Variants in CACNB2 observed in about 807,000 individuals in gnomAD.
The protein encoded by CACNB2 is calcium voltage-gated channel auxiliary subunit beta 2, also known as voltage-dependent L-type calcium channel subunit beta-2.
A neutral mutation model predicts 73.3 loss-of-function variants in CACNB2; 42 were observed. The ratio of observed to expected loss-of-function variants is 0.57; its 90% CI spans 0.45 to 0.74. CACNB2 has a LOEUF of 0.74. Ranked by LOEUF, CACNB2 falls within the 30% of genes least tolerant of loss-of-function variation. The pLI is 0.00. For synonymous variants in CACNB2, 348 were observed against 310.3 expected (o/e 1.12, Z -1.28); for missense variants, 940 against 853.0 (o/e 1.10, Z -1.27).
intron 2 of CACNB2, among the ~76,000 whole-genome samples, chr10:18,177,850 C>G (rs919901839): frequency 1.3e-5 from 2 of 152,172 alleles, no homozygotes; most frequent in Non-Finnish European, 2.9e-5. Flanking sequence ...AAAAGGAAGG[C>G]AGTTTTTGTG....
At chr10:18,167,739 A>C (rs1453372279) in intron 2 of CACNB2, among the ~76,000 whole-genome samples, 1 of 152,158 alleles carries the variant, frequency 6.6e-6, no homozygotes, top group Non-Finnish European at 1.5e-5. Context: ...TTGGGGGGAG[A>C]AGTAGTTCAG....
chr10:18,466,999 C>A (rs189489655), intron 3 of CACNB2, among the ~76,000 whole-genome samples: 1 of 152,032 alleles, frequency 6.6e-6, no homozygotes, highest in African/African-American at 2.4e-5. Flanking sequence ...ACTAAAAATA[C>A]AAAAATTAGC....
intron 3 of CACNB2, among the ~76,000 whole-genome samples, chr10:18,404,855 A>C (rs961419777): frequency 6.6e-6 from 1 of 152,198 alleles, no homozygotes; most frequent in Non-Finnish European, 1.5e-5. Flanking sequence ...CTCCACTACC[A>C]CTTTGTTAAG....
At chr10:18,214,993 A>T (rs1172049554) in intron 2 of CACNB2, among the ~76,000 whole-genome samples, 1 of 152,140 alleles carries the variant, frequency 6.6e-6, no homozygotes, top group Non-Finnish European at 1.5e-5. Flanking sequence ...ATTTACATGG[A>T]TTTAGTTTTT....
At chr10:18,298,233 G>A (rs140329650) in intron 2 of CACNB2, among the ~76,000 whole-genome samples, 1 of 152,142 alleles carries the variant, frequency 6.6e-6, no homozygotes, top group Non-Finnish European at 1.5e-5. Flanking sequence ...GCTGGGCATG[G>A]TGGTGGGCGC....
chr10:18,447,570 T>C (rs75580483), intron 3 of CACNB2, among the ~76,000 whole-genome samples: 6,670 of 151,994 alleles, frequency 0.044, 188 homozygotes, highest in East Asian at 0.1. Flanking sequence ...AGTCAGGGAG[T>C]GTTCAGCAAC....
chr10:18,188,600 C>T (rs1199210877), intron 2 of CACNB2, among the ~76,000 whole-genome samples: 2 of 152,100 alleles, frequency 1.3e-5, no homozygotes, highest in Non-Finnish European at 1.5e-5. Context: ...CCCCTGTGCC[C>T]GGCCTTCTTT....
intron 2 of CACNB2, among the ~76,000 whole-genome samples, chr10:18,290,122 T>C (rs1391802714): frequency 6.3e-5 from 8 of 127,616 alleles, no homozygotes; most frequent in South Asian, 2.7e-4. Flanking sequence ...CTTTTTTTTT[T>C]TTTTTTTTTT....
chr10:18,502,584 G>A (rs1005810087), intron 5 of CACNB2, among the ~76,000 whole-genome samples: 1 of 147,546 alleles, frequency 6.8e-6, no homozygotes, highest in African/African-American at 2.5e-5. Context: ...CCAGCTACTT[G>A]AGAAGCTGAG....
chr10:18,182,584 G>C (rs2033944276), intron 2 of CACNB2, among the ~76,000 whole-genome samples: 1 of 151,580 alleles, frequency 6.6e-6, no homozygotes, highest in South Asian at 2.1e-4. Flanking sequence ...CACTTTGGGA[G>C]GCAGAGGTGG....
At chr10:18,154,007 A>G (rs1456409608) in intron 2 of CACNB2, among the ~76,000 whole-genome samples, 2 of 151,766 alleles carry the variant, frequency 1.3e-5, no homozygotes, top group African/African-American at 4.8e-5. Flanking sequence ...GCTAGGGAAC[A>G]TATATAATTG....
chr10:18,154,960 C>G (rs1199989051), intron 2 of CACNB2, among the ~76,000 whole-genome samples: 1 of 152,162 alleles, frequency 6.6e-6, no homozygotes, highest in South Asian at 2.1e-4. Context: ...ATTGTTGAAA[C>G]CACCCTGTAG....
At chr10:18,288,291 A>C (rs1564406623) in intron 2 of CACNB2, among the ~76,000 whole-genome samples, 1 of 152,256 alleles carries the variant, frequency 6.6e-6, no homozygotes, top group African/African-American at 2.4e-5. Context: ...TTTACTTTGA[A>C]ACTAAATATT....
At chr10:18,444,130 A>T (rs943134689) in intron 3 of CACNB2, among the ~76,000 whole-genome samples, 4 of 152,124 alleles carry the variant, frequency 2.6e-5, no homozygotes, top group African/African-American at 9.7e-5. Context: ...CAAATGTTGA[A>T]ATCCTAACGC....
At chr10:18,179,819 A>G (rs1412503719) in intron 2 of CACNB2, among the ~76,000 whole-genome samples, 2 of 152,194 alleles carry the variant, frequency 1.3e-5, no homozygotes, top group Non-Finnish European at 2.9e-5. Context: ...CTCAAACTAA[A>G]TTTCCTCTCC....
At chr10:18,469,683 C>T (rs779960144) in intron 3 of CACNB2, among the ~76,000 whole-genome samples, 2 of 152,254 alleles carry the variant, frequency 1.3e-5, no homozygotes, top group Non-Finnish European at 2.9e-5. Context: ...AGAGAGATGA[C>T]GTTCTTGAGA....
intron 2 of CACNB2, among the ~76,000 whole-genome samples, chr10:18,288,730 A>G (rs2038916349): frequency 7.7e-6 from 1 of 129,342 alleles, no homozygotes; most frequent in South Asian, 2.6e-4. Context: ...ATGCAGAATC[A>G]AGGCACTCTT....
intron 2 of CACNB2, among the ~76,000 whole-genome samples, chr10:18,316,904 C>T (rs1343233429): frequency 6.6e-6 from 1 of 152,194 alleles, no homozygotes; most frequent in Non-Finnish European, 1.5e-5. Context: ...TTACTTCATC[C>T]TTGGGTATTC....
intron 3 of CACNB2, among the ~76,000 whole-genome samples, chr10:18,491,169 T>C (rs2049397558): frequency 6.6e-6 from 1 of 152,268 alleles, no homozygotes; most frequent in Non-Finnish European, 1.5e-5. Context: ...AATGGCCCAC[T>C]GGCCTCAAAC....
Sources: allele counts gnomAD v4.1 joint callset (sites outside exome capture counted in the v4.1 genomes callset), GRCh38; gene constraint gnomAD v4.1.1; transcripts MANE v1.5; gene names NCBI Gene and HGNC (gene_info 2026-07-23, HGNC 2026-07-21).